Variants in COL19A1 observed in about 807,000 individuals in gnomAD.
The protein encoded by COL19A1 is collagen alpha-1(XIX) chain.
Under a neutral mutation model 190.2 loss-of-function variants are expected in COL19A1, and 159 were observed. That is an observed-to-expected ratio of 0.84 (90% CI 0.73 to 0.95). The LOEUF is 0.95. COL19A1 is among the 40% of genes least tolerant of loss of function. The pLI, the probability that COL19A1 is intolerant of heterozygous loss-of-function variation, is 0.00. For missense variants in COL19A1, 1,418 were observed against 1,431.9 expected, an observed-to-expected ratio of 0.99 and a Z score of 0.16; for synonymous variants, 509 against 458.9, an observed-to-expected ratio of 1.11 and a Z score of -1.39.
At chr6:69,897,488 C>CACACAA (rs200780726) in intron 2 of COL19A1, among the ~76,000 whole-genome samples, 1 of 148,374 alleles carries the variant, frequency 6.7e-6, no homozygotes, top group East Asian at 1.9e-4. Context: ...CACACACACA[C>CACACAA]CCCATACTGT....
At chr6:70,143,129 T>A (rs536766388) in intron 23 of COL19A1, among the ~76,000 whole-genome samples, 41 of 152,286 alleles carry the variant, frequency 2.7e-4, no homozygotes, top group Non-Finnish European at 5.6e-4. Context: ...ATTGGAAATG[T>A]CAAAAGAAAT....
At position 70,033,303 on chromosome 6, in the gene COL19A1, T is replaced by C. The variant is rs78666412; in HGVS notation, c.1081-942T>C. On this transcript the variant is annotated intron_variant, in intron 12 of 50. Transcript: ENST00000620364. ...TTGGCATTATTTATTCACTACAAAATGTCAGGGCAGTAATAGCCGGGTCTT... is the reference window on the plus strand; with the variant it reads ...TTGGCATTATTTATTCACTACAAAACGTCAGGGCAGTAATAGCCGGGTCTT... 2.8e-3 allele frequency among the ~76,000 whole-genome samples: 421 copies of C among 152,264 alleles called. 1 individual carries two copies. The highest frequency in any genetic ancestry group is 5.8e-3 in the South Asian group (28 of 4,828).
At chr6:70,199,033 T>G (rs902678325) in intron 48 of COL19A1, among the ~76,000 whole-genome samples, 1 of 152,214 alleles carries the variant, frequency 6.6e-6, no homozygotes, top group East Asian at 1.9e-4. Context: ...CAATGAGTGA[T>G]CTAAGAGAGA....
At chr6:70,127,360 A>G (rs1019850492) in intron 17 of COL19A1, among the ~76,000 whole-genome samples, 2 of 152,122 alleles carry the variant, frequency 1.3e-5, no homozygotes, top group African/African-American at 4.8e-5. Flanking sequence ...TGTGTCAGGA[A>G]AGCAAGAGTG....
rs1387755563 is a variant in COL19A1, at chr6:69,922,495, T to A, written c.267-5414T>A. Among the ~76,000 whole-genome samples, 4 of 148,008 alleles carry A rather than the reference T, an allele frequency of 2.7e-5. No homozygotes were observed. In the South Asian group the frequency reaches 8.6e-4, roughly 32 times the overall value. ...TATTTAGGTTTTTTTTTTTTTTTTT[T>A]TTTGATATGGAGTCTTACTCTGTCA... On this transcript the variant is annotated intron_variant, in intron 4 of 50. Transcript: ENST00000620364.
intron 2 of COL19A1, chr6:69,891,203 CA>C (rs776456756): frequency 3.2e-3 from 340 of 105,134 alleles, no homozygotes; most frequent in Middle Eastern, 5.6e-3. Flanking sequence ...ACCCAGCTAG[CA>C]AAAAAAAAAA....
At chr6:69,997,640 G>A (rs1268332542) in intron 11 of COL19A1, among the ~76,000 whole-genome samples, 2 of 152,074 alleles carry the variant, frequency 1.3e-5, no homozygotes, top group African/African-American at 4.8e-5. Flanking sequence ...TGAGGTGGCA[G>A]AAGGAAAAAT....
At chr6:70,051,381 C>A (rs945292967) in intron 14 of COL19A1, among the ~76,000 whole-genome samples, 2 of 152,024 alleles carry the variant, frequency 1.3e-5, no homozygotes, top group Admixed American at 1.3e-4. Flanking sequence ...ACTTCTGAGT[C>A]AGAGAAAAAG....
At chr6:69,953,013 C>A (rs1365846551) in intron 9 of COL19A1, among the ~76,000 whole-genome samples, 2 of 151,968 alleles carry the variant, frequency 1.3e-5, no homozygotes, top group African/African-American at 2.4e-5. Flanking sequence ...CTCTATATTT[C>A]TAGCCTCACC....
intron 14 of COL19A1, among the ~76,000 whole-genome samples, chr6:70,042,363 A>G (rs1448782870): frequency 1.3e-5 from 2 of 152,252 alleles, no homozygotes; most frequent in Non-Finnish European, 2.9e-5. Context: ...TCCAATGTAT[A>G]TAAAAGTTAT....
intron 16 of COL19A1, among the ~76,000 whole-genome samples, chr6:70,103,768 A>G (rs539420591): frequency 3.7e-4 from 56 of 152,302 alleles, no homozygotes; most frequent in Non-Finnish European, 6.3e-4. Context: ...CACCTCGGAC[A>G]GACACGGCAT....
chr6:70,175,651 T>A (rs139015193), intron 41 of COL19A1, among the ~76,000 whole-genome samples: 85 of 152,262 alleles, frequency 5.6e-4, no homozygotes, highest in Admixed American at 2.8e-3. Context: ...TATGTTTAAA[T>A]GTTGGTATTA....
At position 70,083,388 on chromosome 6, in the gene COL19A1, T is replaced by A. The variant is rs539246271; in HGVS notation, c.1224+14912T>A. On this transcript the variant is annotated intron_variant, in intron 15 of 50. Transcript: ENST00000620364. ...ATTTTATTTTTAAGGCATAATTTTT[T>A]GTTTGTTGAATTCAGTAATATACAC... 1.4e-3 allele frequency among the ~76,000 whole-genome samples: 207 copies of A among 152,316 alleles called. 1 individual carries two copies. Among genetic ancestry groups the A allele is most frequent in the African/African-American group, 4.7e-3 (197 of 41,566 alleles).
intron 34 of COL19A1, among the ~76,000 whole-genome samples, chr6:70,161,493 T>C (rs775672666): frequency 8.5e-5 from 13 of 152,284 alleles, no homozygotes; most frequent in South Asian, 2.1e-4. Context: ...TTCACACATA[T>C]TCTTACTTAT....
At chr6:69,982,738 C>T (rs1266101503) in intron 11 of COL19A1, among the ~76,000 whole-genome samples, 2 of 150,346 alleles carry the variant, frequency 1.3e-5, no homozygotes, top group South Asian at 2.1e-4. Flanking sequence ...TTTGGGAGGC[C>T]GAGACGGGCA....
chr6:70,073,223 G>A (rs2150155384), intron 15 of COL19A1, among the ~76,000 whole-genome samples: 1 of 152,156 alleles, frequency 6.6e-6, no homozygotes. Context: ...CCTGACCTCA[G>A]GTGATCCACG....
At chr6:70,166,372 G>A (rs1427147858) in intron 37 of COL19A1, among the ~76,000 whole-genome samples, 2 of 152,236 alleles carry the variant, frequency 1.3e-5, no homozygotes, top group African/African-American at 4.8e-5. Flanking sequence ...CGGATATTAT[G>A]CTATATGTGT....
In COL19A1 at chr6:70,172,014, A is replaced by G; in HGVS notation, c.2619A>G (p.Val873=). The change falls in exon 41 of 51, where the codon GTA becomes GTG. Residue 873 remains valine (V), a synonymous_variant. Transcript: ENST00000620364. ...GLPGLEGFPG[V]KGDRGPAGPP... The stretch of plus-strand genomic sequence containing the variant: ...CAGGATTAGAAGGATTTCCAGGTGT[A>G]AAGGTAAGCACAGAAGTTAGAAATG... 1 of 1,611,196 alleles carries G rather than the reference A, an allele frequency of 6.2e-7. No individual in the cohort carries two copies. Among genetic ancestry groups the G allele is most frequent in the Non-Finnish European group, 8.5e-7 (1 of 1,179,110 alleles).
intron 15 of COL19A1, among the ~76,000 whole-genome samples, chr6:70,083,715 A>G (rs1453025575): frequency 6.6e-6 from 1 of 152,214 alleles, no homozygotes; most frequent in African/African-American, 2.4e-5. Context: ...AATTCTGAAA[A>G]TTAACCAGCA....
Sources: gnomAD v4.1 joint callset for allele counts (sites outside exome capture counted in the v4.1 genomes callset) on GRCh38, gnomAD v4.1.1 for gene constraint, MANE v1.5 for transcripts, NCBI Gene and HGNC (gene_info 2026-07-23, HGNC 2026-07-21) for gene names.